Variants in HMGCS1 observed in about 807,000 individuals in gnomAD.
The protein encoded by HMGCS1 is hydroxymethylglutaryl-CoA synthase, cytoplasmic.
Under a neutral mutation model 52.3 loss-of-function variants are expected in HMGCS1, and 9 were observed. The observed-to-expected ratio is 0.17, with a 90% CI of 0.10 to 0.30. The LOEUF (loss-of-function observed/expected upper bound fraction) is 0.30, where lower values mean the gene tolerates loss of function less well. Ranked by LOEUF, HMGCS1 falls within the 10% of genes least tolerant of loss-of-function variation. The pLI is 1.00. For synonymous variants in HMGCS1, 176 were observed against 214.4 expected, an observed-to-expected ratio of 0.82 and a Z score of 1.57; for missense variants, 320 against 620.9, an observed-to-expected ratio of 0.52 and a Z score of 5.15.
Position 43,298,692 on chromosome 5 carries a change from C to A in HMGCS1, c.274G>T (p.Val92Phe). The A allele has an allele frequency of 6.2e-7, 1 of 1,614,246 alleles. No homozygotes were observed. Among genetic ancestry groups the A allele is most frequent in the Non-Finnish European group, 8.5e-7 (1 of 1,180,050 alleles). ...TTGTCGATGATTGTCTCTGTTCCAA[C>A]TTCCAGCCGCCCAATGCAATCATAG... ...LSYDCIGRLEVGTETIIDKSK... is the reference protein window; with the variant it reads ...LSYDCIGRLEFGTETIIDKSK... The change falls in exon 3 of 11, where the codon GTT (valine) becomes TTT (phenylalanine). Residue 92 changes from valine to phenylalanine, a missense_variant. This residue lies in a region of HMGCS1 where 85 missense variants were observed against 260.0 expected (regional missense o/e 0.33). Transcript: ENST00000325110. The surrounding 1 kb of genome is among the most constrained non-coding windows in gnomAD (Gnocchi z 5.6).
chr5:43,301,186 A>C (rs1040274553), intron 2 of HMGCS1, among the ~76,000 whole-genome samples: 14 of 152,194 alleles, frequency 9.2e-5, no homozygotes, highest in African/African-American at 3.1e-4. Context: ...TTTTCAACAG[A>C]GTGGACACCA....
rs553324063 is a variant in HMGCS1, at chr5:43,295,696, C to A, written c.905+56G>T. On this transcript the variant is annotated intron_variant, in intron 6 of 10. Transcript: ENST00000325110. ...CAGGTCTGTACAAATAACAGCTTAACAGATATTAAAAATGCTCTAATATAG... is the reference window on the plus strand; with the variant it reads ...CAGGTCTGTACAAATAACAGCTTAAAAGATATTAAAAATGCTCTAATATAG... 26 of 1,296,684 alleles carry A rather than the reference C, an allele frequency of 2.0e-5. 1 individual carries two copies. The East Asian group carries it at 5.8e-4, about 29-fold the overall frequency. 80.3% of individuals were successfully genotyped at this position (1,296,684 alleles called of 1,614,324 possible). A position where few individuals can be genotyped will look rare whatever the true frequency, so the allele number is the denominator to read the frequency against.
At chr5:43,295,671 C>T (rs1753996329) in intron 6 of HMGCS1, 81 bp downstream of exon 6, 4 of 984,198 alleles carry the variant, frequency 4.1e-6, no homozygotes, top group Middle Eastern at 3.3e-4. Flanking sequence ...CTCAATTTCT[C>T]AGGTCTGTAC....
intron 2 of HMGCS1, among the ~76,000 whole-genome samples, 173 bp from the exon 3 acceptor site, chr5:43,299,148 T>C (rs556260750): frequency 6.6e-6 from 1 of 152,334 alleles, no homozygotes; most frequent in Non-Finnish European, 1.5e-5. Context: ...AATTATTATA[T>C]GAATGGAATA....
Position 43,290,387 on chromosome 5 carries a change from A to G in HMGCS1, c.*744T>C, listed in dbSNP as rs1396178148. The stretch of plus-strand genomic sequence containing the variant: ...CATGAACTGATTCAGGAGCACACCT[A>G]GAGCTATATTCACAGCTCCTGAATG... On this transcript the variant is annotated 3_prime_UTR_variant, in exon 11 of 11. Coordinates refer to ENST00000325110, the MANE Select transcript of HMGCS1 (RefSeq NM_001098272.3). 6.6e-6 allele frequency: 1 copy of G among 152,270 alleles called. No homozygotes were observed. The highest frequency in any genetic ancestry group is 1.5e-5 in the Non-Finnish European group (1 of 68,034). The allele number at this position is 152,270 out of a possible 1,614,324, so 9.4% of individuals were successfully genotyped here.
chr5:43,295,618 G>C, intron 6 of HMGCS1, 134 bp downstream of exon 6: 1 of 626,950 alleles, frequency 1.6e-6, no homozygotes, highest in East Asian at 2.6e-5. Flanking sequence ...CACTGACTGA[G>C]ACACACAGAT....
intron 10 of HMGCS1, among the ~76,000 whole-genome samples, chr5:43,291,762 G>A (rs1467729953): frequency 6.6e-6 from 1 of 152,108 alleles, no homozygotes; most frequent in Non-Finnish European, 1.5e-5. Flanking sequence ...GAAAACGTAA[G>A]TAAAGTGCCT....
At chr5:43,301,687 C>T (rs1043676891) in intron 2 of HMGCS1, among the ~76,000 whole-genome samples, 2 of 152,172 alleles carry the variant, frequency 1.3e-5, no homozygotes, top group Non-Finnish European at 2.9e-5. Context: ...GTCACTGGTG[C>T]TGTGAATGGA....
intron 5 of HMGCS1, 30 bp downstream of exon 5, chr5:43,296,972 C>A: frequency 6.2e-7 from 1 of 1,607,272 alleles, no homozygotes; most frequent in Non-Finnish European, 8.5e-7. Context: ...TCAACTCATA[C>A]CAAAACCAAG....
rs545172775 is a variant in HMGCS1 at position 43,289,098 on chromosome 5, C to G, written c.*2033G>C. On this transcript the variant is annotated 3_prime_UTR_variant, in exon 11 of 11. Coordinates refer to ENST00000325110, the MANE Select transcript of HMGCS1 (RefSeq NM_001098272.3). ...TAGCAAAGTCTATATATGCTTGCCA[C>G]GCAATTTGAGAGTTAATTTCTTTGT... The G allele has an allele frequency of 6.6e-6, 1 of 152,120 alleles. No homozygotes were observed. Among genetic ancestry groups the G allele is most frequent in the Non-Finnish European group, 1.5e-5 (1 of 68,028 alleles). The allele number at this position is 152,120 out of a possible 1,614,324, so 9.4% of individuals were successfully genotyped here. A position where few individuals can be genotyped will look rare whatever the true frequency, so the allele number is the denominator to read the frequency against.
At position 43,298,324 on chromosome 5, in the gene HMGCS1, C is replaced by G. The variant is rs1754135053; in HGVS notation, c.449-190G>C. Reference sequence around the variant, plus strand: ...TCCATCTGACTAAATTTTGAATAGACCATTTGTCCTACAAGATAAGATAAC... The same window carrying G: ...TCCATCTGACTAAATTTTGAATAGAGCATTTGTCCTACAAGATAAGATAAC... On this transcript the variant is annotated intron_variant, in intron 3 of 10. Coordinates refer to ENST00000325110, the MANE Select transcript of HMGCS1 (RefSeq NM_001098272.3). This position sits in a 1 kb window ranked among gnomAD's most constrained non-coding sequence, Gnocchi z 5.6. 1.5e-6 allele frequency: 1 copy of G among 665,852 alleles called. No homozygotes were observed. The highest frequency in any genetic ancestry group is 3.0e-5 in the Admixed American group (1 of 33,410). The allele number at this position is 665,852 out of a possible 1,614,324, so 41.2% of individuals were successfully genotyped here. A position where few individuals can be genotyped will look rare whatever the true frequency, so the allele number is the denominator to read the frequency against.
At chr5:43,295,685 T>G (rs1415491750) in intron 6 of HMGCS1, 67 bp downstream of exon 6, 1 of 1,204,770 alleles carries the variant, frequency 8.3e-7, no homozygotes, top group Non-Finnish European at 1.2e-6. Flanking sequence ...TCTGTACAAA[T>G]AACAGCTTAA....
At chr5:43,311,046 C>T (rs1300681833) in intron 1 of HMGCS1, among the ~76,000 whole-genome samples, 2 of 152,286 alleles carry the variant, frequency 1.3e-5, no homozygotes, top group African/African-American at 4.8e-5. Context: ...TAGTTCTAGC[C>T]AGGCATGGTG....
chr5:43,305,781 C>CAA (rs58264994), intron 2 of HMGCS1, among the ~76,000 whole-genome samples: 3 of 86,774 alleles, frequency 3.5e-5, no homozygotes, highest in Non-Finnish European at 7.0e-5. Context: ...GACTCCGTCT[C>CAA]AAAAAAAAAA....
intron 1 of HMGCS1, among the ~76,000 whole-genome samples, chr5:43,309,490 T>C (rs1332771915): frequency 6.6e-6 from 1 of 152,212 alleles, no homozygotes; most frequent in Non-Finnish European, 1.5e-5. Flanking sequence ...TCCACCCACT[T>C]TGGCCTCCCA....
Position 43,294,110 on chromosome 5 carries a change from A to G in HMGCS1, c.1129T>C (p.Ser377Pro). The change falls in exon 8 of 11, where the codon TCT (serine) becomes CCT (proline). Residue 377 changes from serine to proline, a missense_variant. By Grantham distance (74) the Ser-to-Pro change is moderately conservative (BLOSUM62 -1). Transcript: ENST00000325110. The part of the protein sequence containing the change: ...GKRIGVFSYG[S>P]GLAATLYSLK... ...GAGTACAGAGTGGCAGCCAAACCAG[A>G]ACCATAAGAAAACACTCCAATTCTC... 6.2e-7 allele frequency: 1 copy of G among 1,613,694 alleles called. No homozygotes were observed. The highest frequency in any genetic ancestry group is 8.5e-7 in the Non-Finnish European group (1 of 1,179,624).
At chr5:43,305,233 G>A (rs914004613) in intron 2 of HMGCS1, among the ~76,000 whole-genome samples, 2 of 152,044 alleles carry the variant, frequency 1.3e-5, no homozygotes, top group Non-Finnish European at 2.9e-5. Context: ...TGATCCACCC[G>A]CCTCGGCCTC....
chr5:43,299,349 C>T (rs1234459888), intron 2 of HMGCS1, among the ~76,000 whole-genome samples: 4 of 152,024 alleles, frequency 2.6e-5, no homozygotes, highest in Non-Finnish European at 5.9e-5. Context: ...CCTGACCACC[C>T]GAAAGTTTTA....
In HMGCS1 at chr5:43,298,225, T is replaced by C; in HGVS notation, c.449-91A>G. 1 of 1,131,830 alleles carries C rather than the reference T, an allele frequency of 8.8e-7. No homozygotes were observed. The highest frequency in any genetic ancestry group is 1.3e-6 in the Non-Finnish European group (1 of 793,768). The allele number at this position is 1,131,830 out of a possible 1,614,324, so 70.1% of individuals were successfully genotyped here. ...AGTCTGTTATATTTTCCCCAGAATA[T>C]GCTTTTCCCTTCTTTGATAAAGAAA... On this transcript the variant is annotated intron_variant, in intron 3 of 10. Coordinates refer to ENST00000325110, the MANE Select transcript of HMGCS1 (RefSeq NM_001098272.3). The surrounding 1 kb of genome is among the most constrained non-coding windows in gnomAD (Gnocchi z 5.6).
Sources: gnomAD v4.1 joint callset for allele counts (sites outside exome capture counted in the v4.1 genomes callset) on GRCh38, gnomAD v4.1.1 for gene constraint, gnomAD v4.1.1 regional missense constraint, Gnocchi (gnomAD v3.1) non-coding constraint, MANE v1.5 for transcripts, NCBI Gene and HGNC (gene_info 2026-07-23, HGNC 2026-07-21) for gene names.